The following SLC27A4 variants were observed in gnomAD, a reference collection of about 807,000 sequenced individuals.
The protein encoded by SLC27A4 is solute carrier family 27 member 4.
Under a neutral mutation model 64.4 loss-of-function variants are expected in SLC27A4, and 33 were observed. That is an observed-to-expected ratio of 0.51 (90% CI 0.39 to 0.68). The LOEUF (loss-of-function observed/expected upper bound fraction) is 0.68, where lower values mean the gene tolerates loss of function less well. SLC27A4 is among the 30% of genes least tolerant of loss of function. SLC27A4 has a pLI of 0.00. For missense variants in SLC27A4, 824 were observed against 883.5 expected, an observed-to-expected ratio of 0.93 and a Z score of 0.85; for synonymous variants, 377 against 370.0, an observed-to-expected ratio of 1.02 and a Z score of -0.22.
At chr9:128,348,479 G>T in intron 3 of SLC27A4, 66 bp from the exon 4 acceptor site, 1 of 1,594,302 alleles carries the variant, frequency 6.3e-7, no homozygotes, top group Non-Finnish European at 8.6e-7. Context: ...AGCCCTGCTG[G>T]GAGCAGAGGT....
intron 4 of SLC27A4, 21 bp downstream of exon 4, chr9:128,348,724 A>AT (rs1564400505): frequency 4.3e-6 from 7 of 1,609,532 alleles, no homozygotes. Context: ...TCCCCTCCCC[A>AT]TAGAGGGGCT....
chr9:128,342,648 T>C, intron 1 of SLC27A4: 1 of 422,296 alleles, frequency 2.4e-6, no homozygotes, highest in Non-Finnish European at 4.6e-6. Flanking sequence ...TGGCCCAAGG[T>C]GTCCTGCAGG....
intron 6 of SLC27A4, among the ~76,000 whole-genome samples, chr9:128,351,891 A>G (rs945404166): frequency 4.0e-5 from 6 of 151,882 alleles, no homozygotes; most frequent in African/African-American, 9.7e-5. Flanking sequence ...GTCTCTAAAA[A>G]AAATTTTGTT....
chr9:128,342,506 G>A, intron 1 of SLC27A4: 1 of 1,138,202 alleles, frequency 8.8e-7, no homozygotes, highest in Non-Finnish European at 1.3e-6. Flanking sequence ...TCACATCAAA[G>A]AACTACTGAC....
At position 128,355,698 on chromosome 9, in the gene SLC27A4, A is replaced by C; in HGVS notation, c.1676A>C (p.Asn559Thr). ...GMAAVASPTG[N>T]CDLERFAQVL... ...GCTGCTGTGGCCAGCCCCACTGGCAACTGTGACCTGGAGCGCTTTGCTCAG... is the reference window on the plus strand; with the variant it reads ...GCTGCTGTGGCCAGCCCCACTGGCACCTGTGACCTGGAGCGCTTTGCTCAG... The change falls in exon 12 of 13, where the codon AAC (asparagine) becomes ACC (threonine). Residue 559 changes from asparagine to threonine, a missense_variant. Coordinates refer to ENST00000300456, the MANE Select transcript of SLC27A4 (RefSeq NM_005094.4). 1 of 1,613,116 alleles carries C rather than the reference A, an allele frequency of 6.2e-7. No homozygotes were observed. Among genetic ancestry groups the C allele is most frequent in the Non-Finnish European group, 8.5e-7 (1 of 1,180,032 alleles).
chr9:128,340,568 G>C lies in SLC27A4; in HGVS notation c.-277G>C, dbSNP rs1832552783. The C allele has an allele frequency of 4.7e-6, 1 of 210,782 alleles. No individual in the cohort carries two copies. Among genetic ancestry groups the C allele is most frequent in the South Asian group, 1.6e-4 (1 of 6,164 alleles). The allele number at this position is 210,782 out of a possible 1,614,324, so 13.1% of individuals were successfully genotyped here. A position where few individuals can be genotyped will look rare whatever the true frequency, so the allele number is the denominator to read the frequency against. ...CGCTGCGCCGCCGGCTCTGTGGCTT[G>C]CCGGCTTCGGGGAAGGTGCGGCAGG... On this transcript the variant is annotated 5_prime_UTR_variant, in exon 1 of 13. Transcript: ENST00000300456.
chr9:128,356,681 G>A lies in SLC27A4; in HGVS notation c.1774+885G>A, dbSNP rs778119890. On this transcript the variant is annotated intron_variant, in intron 12 of 12. Transcript: ENST00000300456. ...TAGCTGGCTGGGCGTGGTGGCTCACGCCTGTAATCCCAGCACTTAGGAGGC... is the reference window on the plus strand; with the variant it reads ...TAGCTGGCTGGGCGTGGTGGCTCACACCTGTAATCCCAGCACTTAGGAGGC... Among the ~76,000 whole-genome samples, 216 of 151,568 alleles carry A rather than the reference G, an allele frequency of 1.4e-3. 1 individual carries two copies. Among genetic ancestry groups the A allele is most frequent in the Non-Finnish European group, 1.9e-3 (129 of 67,864 alleles).
chr9:128,354,657 CAG>C (rs1832789406), intron 9 of SLC27A4, among the ~76,000 whole-genome samples: 1 of 151,864 alleles, frequency 6.6e-6, no homozygotes, highest in Non-Finnish European at 1.5e-5. Flanking sequence ...GATCAAGACA[CAG>C]AGTACAGGCT....
chr9:128,343,333 TAC>T, intron 2 of SLC27A4, 40 bp downstream of exon 2: 2 of 1,611,450 alleles, frequency 1.2e-6, no homozygotes, highest in Non-Finnish European at 1.7e-6. Context: ...TCTGCCACAC[TAC>T]AGTGAGCTTC....
At position 128,345,497 on chromosome 9, in the gene SLC27A4, C is replaced by T. The variant is rs137853131; in HGVS notation, c.504C>T (p.Cys168=). ...TNLRRDALLH[C]LTTSRARALV... ...TGCGGCGGGATGCTCTGCTCCACTG[C>T]CTCACCACCTCGCGCGCACGGGCCC... The change falls in exon 3 of 13, where the codon TGC becomes TGT. Residue 168 remains cysteine, a synonymous_variant. Coordinates refer to ENST00000300456, the MANE Select transcript of SLC27A4 (RefSeq NM_005094.4). The surrounding 1 kb of genome is among the most constrained non-coding windows in gnomAD (Gnocchi z 4.1). 1.9e-6 allele frequency: 3 copies of T among 1,611,298 alleles called. No homozygotes were observed. Among genetic ancestry groups the T allele is most frequent in the Non-Finnish European group, 2.5e-6 (3 of 1,179,088 alleles).
rs1472297570 is a variant in SLC27A4 at position 128,353,845 on chromosome 9, G to A, written c.1324+304G>A. ...TGCAAGCTCCGCCTCCCGGGTTCAC[G>A]CCATTCTCCTGCCTCAGCCTCCCAA... is the stretch of plus-strand genomic sequence containing the variant. On this transcript the variant is annotated intron_variant, in intron 9 of 12. Coordinates refer to ENST00000300456, the MANE Select transcript of SLC27A4 (RefSeq NM_005094.4). The surrounding 1 kb of genome is among the most constrained non-coding windows in gnomAD (Gnocchi z 4.9). Among the ~76,000 whole-genome samples the A allele has an allele frequency of 5.4e-5, 8 of 148,506 alleles. No individual in the cohort carries two copies. Among genetic ancestry groups the A allele is most frequent in the South Asian group, 2.1e-4 (1 of 4,698 alleles).
intron 1 of SLC27A4, chr9:128,342,581 T>C: frequency 1.8e-6 from 1 of 545,668 alleles, no homozygotes; most frequent in South Asian, 1.9e-5. Flanking sequence ...AGAACTTGCT[T>C]GTTGGTGAAG....
chr9:128,355,038 C>G lies in SLC27A4; in HGVS notation c.1325-15C>G. 6.2e-7 allele frequency: 1 copy of G among 1,609,184 alleles called. No homozygotes were observed. Among genetic ancestry groups the G allele is most frequent in the Non-Finnish European group, 8.5e-7 (1 of 1,178,164 alleles). ...GCTGCCTAGGGCAGATCTGACCCTG[C>G]CTTCCCCACCCCAGGTGAGCCGGGC... On this transcript the variant is annotated splice_polypyrimidine_tract_variant and intron_variant, in intron 9 of 12. Transcript: ENST00000300456.
At chr9:128,359,602 G>A (rs367922730) in intron 12 of SLC27A4, among the ~76,000 whole-genome samples, 3 of 152,278 alleles carry the variant, frequency 2.0e-5, no homozygotes, top group East Asian at 3.9e-4. Context: ...TCCAGCCCCG[G>A]TGACAGTGCA....
intron 2 of SLC27A4, among the ~76,000 whole-genome samples, chr9:128,343,521 C>G (rs1832609255): frequency 6.6e-6 from 1 of 152,212 alleles, no homozygotes; most frequent in Admixed American, 6.5e-5. Context: ...TTGAGGCTCC[C>G]AGGCCTTGGG....
intron 1 of SLC27A4, chr9:128,342,794 C>T (rs1375533806): frequency 6.5e-6 from 3 of 461,974 alleles, no homozygotes; most frequent in Non-Finnish European, 1.2e-5. Context: ...TCACTACACC[C>T]ATTGCACAGA....
At chr9:128,347,314 A>C (rs74658863) in intron 3 of SLC27A4, among the ~76,000 whole-genome samples, 2,819 of 152,272 alleles carry the variant, frequency 0.019, 50 homozygotes, top group Non-Finnish European at 0.029. Flanking sequence ...GAGCTCACCC[A>C]AGATCACACA....
intron 1 of SLC27A4, among the ~76,000 whole-genome samples, chr9:128,341,554 T>C (rs1832572621): frequency 6.6e-6 from 1 of 152,146 alleles, no homozygotes; most frequent in African/African-American, 2.4e-5. Flanking sequence ...GCGGTCACCT[T>C]TCAAGCACTT....
Position 128,360,742 on chromosome 9 carries a change from TGACGGGTTTTCTCA to T in SLC27A4, c.*253_*266del. The T allele has an allele frequency of 1.9e-6, 1 of 524,770 alleles. No individual in the cohort carries two copies. The highest frequency in any genetic ancestry group is 3.5e-6 in the Non-Finnish European group (1 of 288,874). 32.5% of individuals were successfully genotyped at this position (524,770 alleles called of 1,614,324 possible). On this transcript the variant is annotated 3_prime_UTR_variant, in exon 13 of 13. Coordinates refer to ENST00000300456, the MANE Select transcript of SLC27A4 (RefSeq NM_005094.4). The stretch of plus-strand genomic sequence containing the variant: ...GGCCCTCTGGTTCCCAGGCTGAGAC[TGACGGGTTTTCTCA>T]GGATGATGTCTTGGGTGAGGGTAGG...
Sources: gnomAD v4.1 joint callset for allele counts (sites outside exome capture counted in the v4.1 genomes callset) on GRCh38, gnomAD v4.1.1 for gene constraint, Gnocchi (gnomAD v3.1) non-coding constraint, MANE v1.5 for transcripts, NCBI Gene and HGNC (gene_info 2026-07-23, HGNC 2026-07-21) for gene names.